Variants in ROR2 observed in about 807,000 individuals in gnomAD.
ROR2 encodes the protein tyrosine-protein kinase transmembrane receptor ROR2.
Under a neutral mutation model 74.9 loss-of-function variants are expected in ROR2, and 33 were observed. The observed-to-expected ratio is 0.44, with a 90% CI of 0.33 to 0.59. The LOEUF (loss-of-function observed/expected upper bound fraction) is 0.59. Among genes scored for constraint, ROR2 ranks in the 20% least tolerant of loss-of-function variants. The pLI is 0.02. For synonymous variants in ROR2, 586 were observed against 558.7 expected, an observed-to-expected ratio of 1.05 and a Z score of -0.69; for missense variants, 1,216 against 1,313.8, an observed-to-expected ratio of 0.93 and a Z score of 1.15.
intron 1 of ROR2, among the ~76,000 whole-genome samples, chr9:91,785,527 C>T (rs1225444643): frequency 6.6e-6 from 1 of 152,250 alleles, no homozygotes; most frequent in Non-Finnish European, 1.5e-5. Flanking sequence ...ATGCACTAGG[C>T]ACTCGAAAAA....
At chr9:91,936,337 C>T (rs1177133019) in intron 1 of ROR2, among the ~76,000 whole-genome samples, 1 of 152,184 alleles carries the variant, frequency 6.6e-6, no homozygotes, top group South Asian at 2.1e-4. Context: ...TTGGCTCCTT[C>T]TGAGGGTCCT....
intron 1 of ROR2, among the ~76,000 whole-genome samples, chr9:91,922,091 AAACAACAGCAAC>A (rs566769890): frequency 0.012 from 1,674 of 142,568 alleles, 14 homozygotes; most frequent in Non-Finnish European, 0.019. Flanking sequence ...CCAAAAAACC[AAACAACAGCAAC>A]AACAACAACA....
At chr9:91,791,030 T>C (rs1193099047) in intron 1 of ROR2, among the ~76,000 whole-genome samples, 1 of 152,216 alleles carries the variant, frequency 6.6e-6, no homozygotes, top group Non-Finnish European at 1.5e-5. Flanking sequence ...AAGAAATAAA[T>C]ATTTTTATAA....
At chr9:91,908,334 G>A (rs977351248) in intron 1 of ROR2, among the ~76,000 whole-genome samples, 1 of 152,214 alleles carries the variant, frequency 6.6e-6, no homozygotes, top group African/African-American at 2.4e-5. Flanking sequence ...ACATCAATCA[G>A]AACATCTCCT....
intron 1 of ROR2, among the ~76,000 whole-genome samples, chr9:91,830,144 C>T (rs1828419574): frequency 6.6e-6 from 1 of 152,156 alleles, no homozygotes; most frequent in Non-Finnish European, 1.5e-5. Flanking sequence ...TTTCTTTACA[C>T]CCATTGAATT....
intron 1 of ROR2, among the ~76,000 whole-genome samples, chr9:91,835,959 T>C (rs944169000): frequency 1.3e-5 from 2 of 152,246 alleles, no homozygotes; most frequent in Admixed American, 6.5e-5. Flanking sequence ...CCTACCTTTC[T>C]GTATAGCTTG....
intron 1 of ROR2, among the ~76,000 whole-genome samples, chr9:91,803,597 AC>A (rs1224691948): frequency 6.6e-6 from 1 of 152,248 alleles, no homozygotes; most frequent in Non-Finnish European, 1.5e-5. Flanking sequence ...GGAGACAACA[AC>A]AAAAAAACCC....
At chr9:91,825,599 G>A (rs1049676112) in intron 1 of ROR2, among the ~76,000 whole-genome samples, 7 of 152,118 alleles carry the variant, frequency 4.6e-5, no homozygotes, top group African/African-American at 1.4e-4. Context: ...GCCAGTATTC[G>A]GGATGCCGGG....
At chr9:91,789,158 C>T (rs916001745) in intron 1 of ROR2, among the ~76,000 whole-genome samples, 7 of 152,006 alleles carry the variant, frequency 4.6e-5, no homozygotes, top group African/African-American at 1.4e-4. Context: ...TGGTACTTAC[C>T]CCAATTTGAT....
chr9:91,825,662 T>C (rs1212544827), intron 1 of ROR2, among the ~76,000 whole-genome samples: 1 of 152,158 alleles, frequency 6.6e-6, no homozygotes, highest in Non-Finnish European at 1.5e-5. Context: ...CACAGGACTT[T>C]TGAGTCAGCT....
At chr9:91,801,242 G>A (rs115463595) in intron 1 of ROR2, among the ~76,000 whole-genome samples, 19 of 152,302 alleles carry the variant, frequency 1.2e-4, no homozygotes, top group African/African-American at 4.1e-4. Flanking sequence ...GGATAGAAGC[G>A]TTCAGCTCCA....
At chr9:91,786,319 T>A (rs1241459282) in intron 1 of ROR2, among the ~76,000 whole-genome samples, 2 of 145,492 alleles carry the variant, frequency 1.4e-5, no homozygotes, top group East Asian at 4.1e-4. Flanking sequence ...AGAGCAAGAC[T>A]CTGTCAATCA....
At chr9:91,862,913 G>A (rs1382167935) in intron 1 of ROR2, among the ~76,000 whole-genome samples, 3 of 152,192 alleles carry the variant, frequency 2.0e-5, no homozygotes, top group Non-Finnish European at 4.4e-5. Flanking sequence ...ATATGGACCT[G>A]AATAGTCATT....
At chr9:91,889,049 G>C (rs1339483712) in intron 1 of ROR2, among the ~76,000 whole-genome samples, 3 of 152,060 alleles carry the variant, frequency 2.0e-5, no homozygotes, top group Non-Finnish European at 2.9e-5. Flanking sequence ...TTGGAAGAGA[G>C]ACCGTGTAAT....
intron 1 of ROR2, chr9:91,886,894 G>A (rs570755705): frequency 3.9e-5 from 6 of 152,258 alleles, no homozygotes; most frequent in African/African-American, 1.4e-4. Flanking sequence ...AGGATTCCTA[G>A]GGATATATAA....
chr9:91,937,240 T>G (rs1831723891), intron 1 of ROR2, among the ~76,000 whole-genome samples: 1 of 152,146 alleles, frequency 6.6e-6, no homozygotes. Context: ...ACTGTTGGTC[T>G]GGCAGGAAGC....
rs1267205944 is a variant in ROR2, at chr9:91,790,048, T to G, written c.98-14230A>C. Among the ~76,000 whole-genome samples the G allele has an allele frequency of 2.0e-5, 3 of 152,338 alleles. No individual in the cohort carries two copies. The East Asian group carries it at 5.8e-4, about 29-fold the overall frequency. On this transcript the variant is annotated intron_variant, in intron 1 of 8. Coordinates refer to ENST00000375708, the MANE Select transcript of ROR2 (RefSeq NM_004560.4). Reference sequence around the variant, plus strand: ...TATCAGACAAAATAATCTACAGTCATGTGCTCCATAACTAAGAACCACATA... The same window carrying G: ...TATCAGACAAAATAATCTACAGTCAGGTGCTCCATAACTAAGAACCACATA...
chr9:91,875,726 G>A (rs7033819), intron 1 of ROR2, among the ~76,000 whole-genome samples: 37,584 of 152,028 alleles, frequency 0.25, 5,074 homozygotes, highest in Admixed American at 0.42. Context: ...CTCCAGAAAT[G>A]TACAGAAGAA....
At chr9:91,819,219 A>G (rs1424266574) in intron 1 of ROR2, among the ~76,000 whole-genome samples, 1 of 152,222 alleles carries the variant, frequency 6.6e-6, no homozygotes, top group Admixed American at 6.5e-5. Context: ...GGACTGACAC[A>G]GCATGGGAAC....
Sources: gnomAD v4.1 joint callset for allele counts (sites outside exome capture counted in the v4.1 genomes callset) on GRCh38, gnomAD v4.1.1 for gene constraint, MANE v1.5 for transcripts, NCBI Gene and HGNC (gene_info 2026-07-23, HGNC 2026-07-21) for gene names.